TM2D1: variants seen among roughly 807,000 people sequenced by gnomAD.
TM2D1 encodes TM2 domain containing 1.
In TM2D1, 15 loss-of-function variants were observed where a neutral mutation model predicts 28.4. That is an observed-to-expected ratio of 0.53 (90% CI 0.35 to 0.81). The LOEUF is 0.81. Among genes scored for constraint, TM2D1 ranks in the 40% least tolerant of loss-of-function variants. TM2D1 has a pLI of 0.01. For synonymous variants in TM2D1, 93 were observed against 96.2 expected, an observed-to-expected ratio of 0.97 and a Z score of 0.20; for missense variants, 236 against 254.9, an observed-to-expected ratio of 0.93 and a Z score of 0.50.
chr1:61,705,604 C>T (rs1644434837), intron 3 of TM2D1, among the ~76,000 whole-genome samples: 1 of 152,120 alleles, frequency 6.6e-6, no homozygotes, highest in Non-Finnish European at 1.5e-5. Flanking sequence ...TACACCATTT[C>T]CAAGTCTGGC....
intron 3 of TM2D1, among the ~76,000 whole-genome samples, chr1:61,708,538 G>C (rs1644455863): frequency 6.6e-6 from 1 of 152,140 alleles, no homozygotes; most frequent in Non-Finnish European, 1.5e-5. Flanking sequence ...ATATACTACT[G>C]TGTCTGGCTA....
At chr1:61,720,212 T>C (rs1644552389) in intron 2 of TM2D1, among the ~76,000 whole-genome samples, 1 of 152,184 alleles carries the variant, frequency 6.6e-6, no homozygotes, top group African/African-American at 2.4e-5. Context: ...CTTGCTGATA[T>C]ATGTGTATGT....
chr1:61,704,592 C>T (rs1047233173), intron 3 of TM2D1, among the ~76,000 whole-genome samples: 3 of 152,066 alleles, frequency 2.0e-5, no homozygotes, highest in East Asian at 1.9e-4. Context: ...CCACCACTCC[C>T]GGCTAATGTT....
At chr1:61,689,934 C>T (rs909259854) in intron 5 of TM2D1, among the ~76,000 whole-genome samples, 4 of 152,118 alleles carry the variant, frequency 2.6e-5, no homozygotes, top group Non-Finnish European at 5.9e-5. Flanking sequence ...AGTCTAACCC[C>T]AAATGTGTTG....
chr1:61,691,495 CAAAAAA>C (rs1183951634), intron 5 of TM2D1, among the ~76,000 whole-genome samples: 1 of 39,348 alleles, frequency 2.5e-5, no homozygotes, highest in African/African-American at 9.2e-5. Flanking sequence ...AACTCCATCT[CAAAAAA>C]AAAAAAAAAA....
At chr1:61,699,073 T>G (rs1377803305) in intron 4 of TM2D1, 1 of 152,204 alleles carries the variant, frequency 6.6e-6, no homozygotes, top group East Asian at 1.9e-4. Flanking sequence ...CCAGGCACTG[T>G]GGCTCATCCC....
At position 61,684,631 on chromosome 1, in the gene TM2D1, A is replaced by T. The variant is rs1644270354; in HGVS notation, c.514-1085T>A. Among the ~76,000 whole-genome samples, 3 of 152,100 alleles carry T rather than the reference A, an allele frequency of 2.0e-5. No homozygotes were observed. In the East Asian group the frequency reaches 5.8e-4, roughly 29 times the overall value. ...AACATTTTACATCTTTTTGTTTAAAAATAATTTGCAACATGTTTATGCTGT... is the reference window on the plus strand; with the variant it reads ...AACATTTTACATCTTTTTGTTTAAATATAATTTGCAACATGTTTATGCTGT... On this transcript the variant is annotated intron_variant, in intron 5 of 6. Transcript: ENST00000606498.
chr1:61,681,874 A>T (rs1284791957), intron 6 of TM2D1, among the ~76,000 whole-genome samples: 1 of 152,222 alleles, frequency 6.6e-6, no homozygotes, highest in Non-Finnish European at 1.5e-5. Context: ...TCAGTTTTGC[A>T]CTAATTAGTT....
chr1:61,701,510 T>C (rs185387362), intron 3 of TM2D1, among the ~76,000 whole-genome samples: 46 of 151,942 alleles, frequency 3.0e-4, no homozygotes, highest in African/African-American at 1.1e-3. Context: ...ACTATCATTT[T>C]GAAGTCAAAT....
intron 2 of TM2D1, among the ~76,000 whole-genome samples, chr1:61,721,222 T>A (rs544572694): frequency 4.0e-5 from 6 of 149,746 alleles, no homozygotes; most frequent in African/African-American, 1.5e-4. Context: ...CAGAGTGAGA[T>A]CCTGTCTTAA....
At chr1:61,698,907 T>G (rs1361931756) in intron 4 of TM2D1, 2 of 152,162 alleles carry the variant, frequency 1.3e-5, no homozygotes, top group Non-Finnish European at 2.9e-5. Flanking sequence ...TTAGATTTTG[T>G]CTATAACTAC....
intron 5 of TM2D1, among the ~76,000 whole-genome samples, chr1:61,689,790 C>CT (rs1295830212): frequency 3.3e-5 from 5 of 152,196 alleles, no homozygotes; most frequent in Admixed American, 3.3e-4. Flanking sequence ...CCGATTTCCA[C>CT]TGATGCCATA....
Position 61,723,703 on chromosome 1 carries a change from G to T in TM2D1, c.238+10C>A. 1.4e-6 allele frequency: 2 copies of T among 1,432,910 alleles called. No homozygotes were observed. Among genetic ancestry groups the T allele is most frequent in the South Asian group, 1.5e-5 (1 of 68,342 alleles). 88.8% of individuals were successfully genotyped at this position (1,432,910 alleles called of 1,614,324 possible). Reference sequence around the variant, plus strand: ...AATTATTTTTAAAGACATGTTTCTTGAAGTCTTACCATGAGCTGTGTAGTT... The same window carrying T: ...AATTATTTTTAAAGACATGTTTCTTTAAGTCTTACCATGAGCTGTGTAGTT... On this transcript the variant is annotated intron_variant, in intron 2 of 6. Coordinates refer to ENST00000606498, the MANE Select transcript of TM2D1 (RefSeq NM_032027.3).
intron 2 of TM2D1, among the ~76,000 whole-genome samples, chr1:61,713,520 G>A (rs1247932492): frequency 6.7e-6 from 1 of 148,594 alleles, no homozygotes; most frequent in Non-Finnish European, 1.5e-5. Context: ...GGAGGGGTCT[G>A]CAAAAGTATC....
chr1:61,713,338 C>T (rs999262804), intron 2 of TM2D1, among the ~76,000 whole-genome samples: 30 of 150,998 alleles, frequency 2.0e-4, no homozygotes, highest in Admixed American at 6.0e-4. Flanking sequence ...ATTAGCCAGG[C>T]GTGGTGACAT....
intron 5 of TM2D1, among the ~76,000 whole-genome samples, chr1:61,691,115 G>C (rs1170150928): frequency 6.6e-6 from 1 of 152,042 alleles, no homozygotes; most frequent in East Asian, 1.9e-4. Flanking sequence ...TCATCTTTCT[G>C]ATTCGTGGCT....
chr1:61,686,510 A>G (rs1644286652), intron 5 of TM2D1, among the ~76,000 whole-genome samples: 1 of 152,012 alleles, frequency 6.6e-6, no homozygotes, highest in African/African-American at 2.4e-5. Context: ...AAAAAATACA[A>G]GAATTAGTCA....
intron 2 of TM2D1, among the ~76,000 whole-genome samples, chr1:61,720,259 T>A (rs1243668763): frequency 6.6e-6 from 1 of 152,128 alleles, no homozygotes; most frequent in Non-Finnish European, 1.5e-5. Flanking sequence ...TTTTCTTTTT[T>A]TAGACAGAGT....
At chr1:61,715,032 A>G (rs1236434618) in intron 2 of TM2D1, among the ~76,000 whole-genome samples, 1 of 152,252 alleles carries the variant, frequency 6.6e-6, no homozygotes, top group Admixed American at 6.5e-5. Flanking sequence ...AAGAGGTACC[A>G]TCGTGACGGG....
Sources: allele counts gnomAD v4.1 joint callset (sites outside exome capture counted in the v4.1 genomes callset), GRCh38; gene constraint gnomAD v4.1.1; transcripts MANE v1.5; gene names NCBI Gene and HGNC (gene_info 2026-07-23, HGNC 2026-07-21).